Variants in MOB1A observed in about 807,000 individuals in gnomAD.
MOB1A encodes the protein MOB1 Mps One Binder homolog A.
Under a neutral mutation model 25.1 loss-of-function variants are expected in MOB1A, and 10 were observed. That is an observed-to-expected ratio of 0.40 (90% CI 0.25 to 0.68). MOB1A has a LOEUF of 0.68. Ranked by LOEUF, MOB1A falls within the 30% of genes least tolerant of loss-of-function variation. MOB1A has a pLI of 0.40. For synonymous variants in MOB1A, 81 were observed against 79.5 expected (o/e 1.02, Z -0.10); for missense variants, 177 against 256.3 (o/e 0.69, Z 2.11).
chr2:74,166,422 C>T (rs1256973865), intron 3 of MOB1A, among the ~76,000 whole-genome samples: 6 of 152,198 alleles, frequency 3.9e-5, no homozygotes, highest in Admixed American at 1.3e-4. Context: ...AAAATGTTTG[C>T]AATTCAAGAC....
At chr2:74,172,077 T>A (rs1388833215) in intron 2 of MOB1A, among the ~76,000 whole-genome samples, 1 of 152,188 alleles carries the variant, frequency 6.6e-6, no homozygotes, top group Non-Finnish European at 1.5e-5. Context: ...TCCCATGTCA[T>A]GCACTTGTTC....
chr2:74,160,008 G>GT (rs1252887143), intron 4 of MOB1A, among the ~76,000 whole-genome samples: 1 of 152,098 alleles, frequency 6.6e-6, no homozygotes, highest in Non-Finnish European at 1.5e-5. Context: ...GTACAGATGG[G>GT]TTTTTGCCAT....
At chr2:74,158,372 A>G (rs1193928626) in intron 5 of MOB1A, among the ~76,000 whole-genome samples, 2 of 152,224 alleles carry the variant, frequency 1.3e-5, no homozygotes, top group African/African-American at 4.8e-5. Flanking sequence ...TCATCATAAA[A>G]TATCTAGACA....
At chr2:74,176,561 G>C (rs1183180540) in intron 1 of MOB1A, among the ~76,000 whole-genome samples, 2 of 151,820 alleles carry the variant, frequency 1.3e-5, no homozygotes, top group Non-Finnish European at 2.9e-5. Context: ...TCAGGATATT[G>C]AGACCATCTT....
chr2:74,166,304 C>T (rs1693126837), intron 3 of MOB1A, among the ~76,000 whole-genome samples: 2 of 151,392 alleles, frequency 1.3e-5, no homozygotes, highest in African/African-American at 4.9e-5. Context: ...TAAATAAGCA[C>T]AAGAAAAAAT....
chr2:74,167,320 A>G (rs1693159093), intron 2 of MOB1A, among the ~76,000 whole-genome samples: 1 of 151,996 alleles, frequency 6.6e-6, no homozygotes, highest in African/African-American at 2.4e-5. Context: ...ATCTTGGCTC[A>G]CTGCAACCTC....
chr2:74,163,764 C>T (rs1217262343), intron 4 of MOB1A, among the ~76,000 whole-genome samples: 3 of 152,056 alleles, frequency 2.0e-5, no homozygotes, highest in Admixed American at 6.6e-5. Flanking sequence ...ACTTGAACAA[C>T]TGACATAAAC....
intron 1 of MOB1A, 89 bp downstream of exon 1, chr2:74,178,572 C>G: frequency 1.0e-6 from 1 of 984,390 alleles, no homozygotes; most frequent in Non-Finnish European, 1.4e-6. Flanking sequence ...CGCCTCGGCC[C>G]CCAGGCCGAG....
intron 2 of MOB1A, among the ~76,000 whole-genome samples, chr2:74,171,784 T>A (rs9677375): frequency 0.17 from 25,745 of 151,800 alleles, 2,620 homozygotes; most frequent in East Asian, 0.38. Context: ...GTGCCTGTAA[T>A]CCCAGCTACT....
At chr2:74,159,287 TG>T (rs1692894254) in intron 4 of MOB1A, 33 bp from the exon 5 acceptor site, 2 of 1,592,494 alleles carry the variant, frequency 1.3e-6, no homozygotes, top group Non-Finnish European at 1.7e-6. Context: ...AACAATTATT[TG>T]GTTATCTAAC....
intron 5 of MOB1A, among the ~76,000 whole-genome samples, chr2:74,157,688 G>C (rs1692841467): frequency 6.6e-6 from 1 of 152,110 alleles, no homozygotes. Flanking sequence ...TCACTTGCTT[G>C]GTGTGTGAGG....
intron 2 of MOB1A, among the ~76,000 whole-genome samples, chr2:74,167,508 A>G (rs1404060869): frequency 6.6e-6 from 1 of 152,182 alleles, no homozygotes; most frequent in Non-Finnish European, 1.5e-5. Flanking sequence ...ATGTAACAGC[A>G]GGAAAATAAG....
rs111676167 is a variant in MOB1A, at chr2:74,161,511, G to A, written c.410-2257C>T. 1.9e-3 allele frequency among the ~76,000 whole-genome samples: 282 copies of A among 151,568 alleles called. 1 individual carries two copies. Among genetic ancestry groups the A allele is most frequent in the African/African-American group, 6.4e-3 (265 of 41,314 alleles). On this transcript the variant is annotated intron_variant, in intron 4 of 5. Transcript: ENST00000396049. ...ACAAAAATTAGCCAGGCGTGGTGGC[G>A]GCACCTGTAGTCCCAGCTACTCGGG...
At chr2:74,174,030 A>G (rs1216813124) in intron 1 of MOB1A, among the ~76,000 whole-genome samples, 1 of 149,134 alleles carries the variant, frequency 6.7e-6, no homozygotes, top group African/African-American at 2.5e-5. Flanking sequence ...GCACTTTGGG[A>G]GGCCGAGGCA....
rs1044833569 is a variant in MOB1A, at chr2:74,155,311, T to G, written c.*1257A>C. 2.0e-5 allele frequency: 3 copies of G among 152,644 alleles called. No individual in the cohort carries two copies. Among genetic ancestry groups the G allele is most frequent in the Non-Finnish European group, 4.4e-5 (3 of 68,022 alleles). 9.5% of individuals were successfully genotyped at this position (152,644 alleles called of 1,614,324 possible). On this transcript the variant is annotated 3_prime_UTR_variant, in exon 6 of 6. Transcript: ENST00000396049. ...CAATAGAAATAGAGGAATTTCAAGT[T>G]TTGATACAAAAACAATTAAAACAAG...
chr2:74,165,054 T>A, intron 4 of MOB1A, 164 bp downstream of exon 4: 2 of 405,082 alleles, frequency 4.9e-6, no homozygotes, highest in Non-Finnish European at 8.6e-6. Flanking sequence ...ATACGGTGGC[T>A]CAAACCTGTA....
chr2:74,174,717 A>G (rs1693401626), intron 1 of MOB1A, among the ~76,000 whole-genome samples: 1 of 152,244 alleles, frequency 6.6e-6, no homozygotes, highest in African/African-American at 2.4e-5. Context: ...CTTTCATAAC[A>G]GAGCAAAAAG....
At chr2:74,158,041 G>C (rs746923343) in intron 5 of MOB1A, among the ~76,000 whole-genome samples, 2 of 151,858 alleles carry the variant, frequency 1.3e-5, no homozygotes, top group African/African-American at 4.8e-5. Flanking sequence ...TTAGCCGGGC[G>C]TGGTGGCAGG....
Position 74,156,451 on chromosome 2 carries a change from T to C in MOB1A, c.*117A>G. ...TAATTTTATCAGTAGACACAGGCAA[T>C]GGGTATCTTTTTATCCTGTTTTCTT... On this transcript the variant is annotated 3_prime_UTR_variant, in exon 6 of 6. Transcript: ENST00000396049. 2 of 807,632 alleles carry C rather than the reference T, an allele frequency of 2.5e-6. No homozygotes were observed. The highest frequency in any genetic ancestry group is 2.1e-6 in the Non-Finnish European group (1 of 487,024). The allele number at this position is 807,632 out of a possible 1,614,324, so 50.0% of individuals were successfully genotyped here.
Sources: allele counts gnomAD v4.1 joint callset (sites outside exome capture counted in the v4.1 genomes callset), GRCh38; gene constraint gnomAD v4.1.1; transcripts MANE v1.5; gene names NCBI Gene and HGNC (gene_info 2026-07-23, HGNC 2026-07-21).